The following C2CD2 variants were observed in gnomAD, a reference collection of about 807,000 sequenced individuals.
C2CD2 encodes the protein C2 domain-containing protein 2.
In C2CD2, 43 loss-of-function variants were observed where a neutral mutation model predicts 74.3. The ratio of observed to expected loss-of-function variants is 0.58; its 90% confidence interval spans 0.45 to 0.75. The LOEUF (loss-of-function observed/expected upper bound fraction) is 0.75. C2CD2 is among the 30% of genes least tolerant of loss of function. The pLI is 0.00. For synonymous variants in C2CD2, 422 were observed against 390.7 expected (o/e 1.08, Z -0.94); for missense variants, 801 against 916.3 (o/e 0.87, Z 1.63).
intron 1 of C2CD2, among the ~76,000 whole-genome samples, chr21:41,943,860 G>C (rs149377506): frequency 2.9e-4 from 44 of 152,314 alleles, no homozygotes; most frequent in Admixed American, 1.1e-3. Flanking sequence ...TACTGCTCGA[G>C]AGGGCTGAAA....
At chr21:41,921,394 G>A (rs1290817362) in intron 3 of C2CD2, among the ~76,000 whole-genome samples, 1 of 152,172 alleles carries the variant, frequency 6.6e-6, no homozygotes, top group Non-Finnish European at 1.5e-5. Context: ...GTCTCACTGG[G>A]CTTATTGTAA....
chr21:41,913,088 C>T (rs2065047603), intron 6 of C2CD2, among the ~76,000 whole-genome samples: 1 of 152,254 alleles, frequency 6.6e-6, no homozygotes, highest in Admixed American at 6.5e-5. Flanking sequence ...CAGGCATGGT[C>T]CCCACTTTTA....
chr21:41,900,640 C>T (rs530748079), intron 12 of C2CD2, among the ~76,000 whole-genome samples: 12 of 152,298 alleles, frequency 7.9e-5, no homozygotes, highest in Admixed American at 5.2e-4. Context: ...CTGGCACCTC[C>T]AAGGTCCTGT....
At chr21:41,925,574 C>G (rs1450890390) in intron 2 of C2CD2, among the ~76,000 whole-genome samples, 1 of 152,248 alleles carries the variant, frequency 6.6e-6, no homozygotes, top group Non-Finnish European at 1.5e-5. Flanking sequence ...CAGCCCCTGC[C>G]TCTGCCACCC....
intron 2 of C2CD2, among the ~76,000 whole-genome samples, chr21:41,927,694 C>T (rs771149737): frequency 9.9e-5 from 15 of 152,180 alleles, no homozygotes; most frequent in Non-Finnish European, 1.3e-4. Context: ...TGGTCCCGAA[C>T]TCCTGACCTC....
intron 11 of C2CD2, among the ~76,000 whole-genome samples, chr21:41,904,500 G>A (rs770613008): frequency 7.2e-5 from 11 of 152,172 alleles, no homozygotes; most frequent in South Asian, 4.1e-4. Flanking sequence ...GACTCGCCCC[G>A]AATTCTTTCT....
rs1439405067 is a variant in C2CD2, at chr21:41,903,406, T to C, written c.1433-1657A>G. Among the ~76,000 whole-genome samples the C allele has an allele frequency of 6.6e-6, 1 of 152,166 alleles. No individual in the cohort carries two copies. The highest frequency in any genetic ancestry group is 2.4e-5 in the African/African-American group (1 of 41,434). ...AGGGTGGTTTTGTGGGGCTGAGCCT[T>C]TCACCTGTGGGATCTGAGCTAACTC... On this transcript the variant is annotated intron_variant, in intron 11 of 13. Transcript: ENST00000380486. This position sits in a 1 kb window ranked among gnomAD's most constrained non-coding sequence, Gnocchi z 4.5.
Position 41,926,509 on chromosome 21 carries a change from C to A in C2CD2, c.379-4424G>T. On this transcript the variant is annotated intron_variant, in intron 2 of 13. Coordinates refer to ENST00000380486, the MANE Select transcript of C2CD2 (RefSeq NM_015500.2). The surrounding 1 kb of genome is among the most constrained non-coding windows in gnomAD (Gnocchi z 8.0). ...CTGAAGAGCAGGCTGAGCGGGGAGG[C>A]CTTCATTCACCTTCTCGGTGCTCTC... is the stretch of plus-strand genomic sequence containing the variant. The A allele has an allele frequency of 1.5e-6, 1 of 658,828 alleles. No individual in the cohort carries two copies. The allele number at this position is 658,828 out of a possible 1,614,324, so 40.8% of individuals were successfully genotyped here. A position where few individuals can be genotyped will look rare whatever the true frequency, so the allele number is the denominator to read the frequency against.
At chr21:41,949,169 C>T (rs994854386) in intron 1 of C2CD2, among the ~76,000 whole-genome samples, 1 of 152,070 alleles carries the variant, frequency 6.6e-6, no homozygotes, top group African/African-American at 2.4e-5. Flanking sequence ...CAGCGGCCAT[C>T]AGAGGCAAGC....
rs1412817658 is a variant in C2CD2 at position 41,939,288 on chromosome 21, C to G, written c.378+2859G>C. 6.6e-6 allele frequency among the ~76,000 whole-genome samples: 1 copy of G among 152,228 alleles called. No homozygotes were observed. The highest frequency in any genetic ancestry group is 1.5e-5 in the Non-Finnish European group (1 of 68,038). On this transcript the variant is annotated intron_variant, in intron 2 of 13. Transcript: ENST00000380486. This position sits in a 1 kb window ranked among gnomAD's most constrained non-coding sequence, Gnocchi z 5.5. ...AAAAGGATTACAATTGAATTACCTA[C>G]CGTGTAAGGCCACTTTTCTGGCAAT...
intron 5 of C2CD2, among the ~76,000 whole-genome samples, chr21:41,917,800 G>A (rs2065108995): frequency 6.6e-6 from 1 of 152,076 alleles, no homozygotes; most frequent in Admixed American, 6.5e-5. Flanking sequence ...CTTGCTTCTG[G>A]GGCAATGTTC....
chr21:41,913,475 G>T (rs866187687), intron 6 of C2CD2, among the ~76,000 whole-genome samples: 2 of 152,186 alleles, frequency 1.3e-5, no homozygotes, highest in Admixed American at 1.3e-4. Context: ...CAGGAACGGG[G>T]CCTGGCCTCA....
At chr21:41,893,713 T>A (rs992183337) in intron 13 of C2CD2, among the ~76,000 whole-genome samples, 2 of 136,230 alleles carry the variant, frequency 1.5e-5, no homozygotes, top group Non-Finnish European at 3.2e-5. Flanking sequence ...TTTTTTTTTT[T>A]TTTTTTGAGA....
chr21:41,934,024 C>T (rs781665834), intron 2 of C2CD2, among the ~76,000 whole-genome samples: 4 of 151,750 alleles, frequency 2.6e-5, no homozygotes, highest in Non-Finnish European at 5.9e-5. Context: ...TCCCAGCAGG[C>T]GGCAGCAGGA....
At chr21:41,938,576 G>A (rs527382838) in intron 2 of C2CD2, among the ~76,000 whole-genome samples, 1 of 152,032 alleles carries the variant, frequency 6.6e-6, no homozygotes, top group Admixed American at 6.5e-5. Context: ...CAAGCACCTG[G>A]CACGCACCAT....
rs747503616 is a variant in C2CD2 at position 41,899,369 on chromosome 21, G to A, written c.1561-7C>T. On this transcript the variant is annotated splice_region_variant and splice_polypyrimidine_tract_variant and intron_variant, in intron 12 of 13. Coordinates refer to ENST00000380486, the MANE Select transcript of C2CD2 (RefSeq NM_015500.2). This position sits in a 1 kb window ranked among gnomAD's most constrained non-coding sequence, Gnocchi z 4.4. Reference sequence around the variant, plus strand: ...GGTCCTGAGATAGTGAGGTCTGTCAGGGGCAGTGGGGAAGATGACAAGGGA... The same window carrying A: ...GGTCCTGAGATAGTGAGGTCTGTCAAGGGCAGTGGGGAAGATGACAAGGGA... The A allele has an allele frequency of 1.4e-5, 23 of 1,601,786 alleles. No homozygotes were observed. Among genetic ancestry groups the A allele is most frequent in the Non-Finnish European group, 1.7e-6 (2 of 1,179,610 alleles).
At chr21:41,896,926 C>A (rs992576026) in intron 13 of C2CD2, among the ~76,000 whole-genome samples, 1 of 152,188 alleles carries the variant, frequency 6.6e-6, no homozygotes, top group African/African-American at 2.4e-5. Context: ...ATGTCCTGTT[C>A]AAAAACCTGG....
At chr21:41,936,722 C>T (rs566369941) in intron 2 of C2CD2, among the ~76,000 whole-genome samples, 7 of 151,990 alleles carry the variant, frequency 4.6e-5, no homozygotes, top group East Asian at 1.9e-4. Context: ...GCCTACTCAA[C>T]GTGAAGACGA....
chr21:41,892,724 T>TGGCCAAAATGC lies in C2CD2; in HGVS notation c.1871-3381_1871-3380insGCATTTTGGCC, dbSNP rs1254496439. Among the ~76,000 whole-genome samples, 1 of 152,222 alleles carries TGGCCAAAATGC rather than the reference T, an allele frequency of 6.6e-6. No individual in the cohort carries two copies. The highest frequency in any genetic ancestry group is 2.4e-5 in the African/African-American group (1 of 41,452). On this transcript the variant is annotated intron_variant, in intron 13 of 13. Transcript: ENST00000380486. This position sits in a 1 kb window ranked among gnomAD's most constrained non-coding sequence, Gnocchi z 4.6. ...TGGGGTTATCCACTGCTAGCCCGGGTCTGGCCAAAATGCCACTAGTGCTTA... is the reference window on the plus strand; with the variant it reads ...TGGGGTTATCCACTGCTAGCCCGGGTGGCCAAAATGCCTGGCCAAAATGCCACTAGTGCTTA...
Sources: gnomAD v4.1 joint callset for allele counts (sites outside exome capture counted in the v4.1 genomes callset) on GRCh38, gnomAD v4.1.1 for gene constraint, Gnocchi (gnomAD v3.1) non-coding constraint, MANE v1.5 for transcripts, NCBI Gene and HGNC (gene_info 2026-07-23, HGNC 2026-07-21) for gene names.